The following DNAH11 variants were observed in gnomAD, a reference collection of about 807,000 sequenced individuals.
The protein encoded by DNAH11 is dynein axonemal heavy chain 11.
In DNAH11, 442 loss-of-function variants were observed where a neutral mutation model predicts 526.0. That is an observed-to-expected ratio of 0.84 (90% confidence interval 0.78 to 0.91). The LOEUF is 0.91. Ranked by LOEUF, DNAH11 falls within the 40% of genes least tolerant of loss-of-function variation. The probability of loss-of-function intolerance (pLI) is 0.00; values close to 1 mark genes in which losing one functional copy is unlikely to be tolerated. For synonymous variants in DNAH11, 2,461 were observed against 1,935.9 expected (o/e 1.27, Z -7.12); for missense variants, 6,989 against 5,448.7 (o/e 1.28, Z -8.90).
chr7:21,743,055 A>G (rs1199589273), intron 49 of DNAH11, among the ~76,000 whole-genome samples: 1 of 152,208 alleles, frequency 6.6e-6, no homozygotes, highest in African/African-American at 2.4e-5. Context: ...CGTTGCCCTC[A>G]TGACAGTCAC....
At chr7:21,712,711 G>T (rs547007334) in intron 42 of DNAH11, among the ~76,000 whole-genome samples, 1 of 152,306 alleles carries the variant, frequency 6.6e-6, no homozygotes, top group South Asian at 2.1e-4. Flanking sequence ...TCTTTGCCCA[G>T]TTTTTAATCG....
Position 21,571,948 on chromosome 7 carries a change from A to C in DNAH11, c.1568A>C (p.Tyr523Ser), listed in dbSNP as rs768172984. Residue 523 changes from tyrosine to serine, a missense_variant, in exon 8 of 82, where the codon TAT (tyrosine) becomes TCT (serine). Transcript: ENST00000409508. ...TGTAAACTTTTTAAACAGAGCACTT[A>C]TGACCCATCTGATTGCACTAACATG... ...ELCKLFKQST[Y>S]DPSDCTNMEF... 5 of 1,587,068 alleles carry C rather than the reference A, an allele frequency of 3.2e-6. No homozygotes were observed. Among genetic ancestry groups the C allele is most frequent in the Non-Finnish European group, 4.3e-6 (5 of 1,169,794 alleles).
chr7:21,590,124 C>T (rs1292047219), intron 12 of DNAH11, among the ~76,000 whole-genome samples: 4 of 151,994 alleles, frequency 2.6e-5, no homozygotes. Context: ...AATTTCATTA[C>T]ATGTTATGTA....
chr7:21,810,576 G>A (rs1789472537), intron 63 of DNAH11, among the ~76,000 whole-genome samples: 1 of 152,106 alleles, frequency 6.6e-6, no homozygotes. Context: ...CCTGTGAAGG[G>A]CAACAGGGGA....
At chr7:21,751,207 C>T (rs1786397480) in intron 54 of DNAH11, among the ~76,000 whole-genome samples, 1 of 151,998 alleles carries the variant, frequency 6.6e-6, no homozygotes, top group Non-Finnish European at 1.5e-5. Flanking sequence ...GCCTGTAATC[C>T]CAGCTACTTG....
At position 21,543,379 on chromosome 7, in the gene DNAH11, C is replaced by A; in HGVS notation, c.134C>A (p.Ala45Glu). 1.3e-6 allele frequency: 2 copies of A among 1,551,490 alleles called. No individual in the cohort carries two copies. Among genetic ancestry groups the A allele is most frequent in the East Asian group, 4.9e-5 (2 of 40,920 alleles). The change falls in exon 1 of 82, where the codon GCG (alanine) becomes GAG (glutamate). Residue 45 changes from alanine (A) to glutamate (E), a missense_variant. By Grantham distance (107) the Ala-to-Glu change is moderately radical. Transcript: ENST00000409508. ...LEEEEENEEE[A>E]AARRARSFAQ... ...GAGGAGGAGGAGAACGAGGAGGAGG[C>A]GGCGGCCAGGAGAGCGCGGAGTTTC...
At chr7:21,831,882 G>A (rs1781789636) in intron 65 of DNAH11, among the ~76,000 whole-genome samples, 2 of 152,188 alleles carry the variant, frequency 1.3e-5, no homozygotes, top group Admixed American at 1.3e-4. Context: ...CCTGAGGTCA[G>A]GATTTGAGAC....
At position 21,790,277 on chromosome 7, in the gene DNAH11, A is replaced by T. The variant is rs192663406; in HGVS notation, c.10026+935A>T. On this transcript the variant is annotated intron_variant, in intron 61 of 81. Coordinates refer to ENST00000409508, the MANE Select transcript of DNAH11 (RefSeq NM_001277115.2). ...CTGGCTAACACGGTGAAACCCCGTC[A>T]CTACTAAAAATACAAAAAGAAATTT... Among the ~76,000 whole-genome samples the T allele has an allele frequency of 1.6e-3, 237 of 152,066 alleles. 1 individual carries two copies. The highest frequency in any genetic ancestry group is 2.7e-3 in the Non-Finnish European group (185 of 67,990).
At chr7:21,630,255 AT>A (rs1786542372) in intron 25 of DNAH11, among the ~76,000 whole-genome samples, 1 of 151,668 alleles carries the variant, frequency 6.6e-6, no homozygotes, top group Non-Finnish European at 1.5e-5. Context: ...CAATTTGTAT[AT>A]TTTTATATTG....
chr7:21,871,956 A>T (rs891947110), intron 73 of DNAH11, among the ~76,000 whole-genome samples: 1 of 151,608 alleles, frequency 6.6e-6, no homozygotes, highest in Non-Finnish European at 1.5e-5. Context: ...CCCCGTCTCT[A>T]CTAAAAATAC....
chr7:21,841,616 G>A (rs975188913), intron 65 of DNAH11, among the ~76,000 whole-genome samples: 104 of 152,288 alleles, frequency 6.8e-4, no homozygotes, highest in Admixed American at 2.6e-4. Flanking sequence ...GTGGGGGTGT[G>A]TGAGTGTCCC....
rs367610722 is a variant in DNAH11 at position 21,818,236 on chromosome 7, A to C, written c.10588A>C (p.Thr3530Pro). 3 of 1,611,726 alleles carry C rather than the reference A, an allele frequency of 1.9e-6. No individual in the cohort carries two copies. Among genetic ancestry groups the C allele is most frequent in the Non-Finnish European group, 2.5e-6 (3 of 1,178,914 alleles). Residue 3530 changes from threonine (T) to proline (P), a missense_variant, in exon 65 of 82, where the codon ACT (threonine) becomes CCT (proline). Thr to Pro is a conservative substitution (Grantham distance 38). Transcript: ENST00000409508. ...TTTAAGGTTTTTGAATGCCATTGAA[A>C]CTGCTTTGGCCTTTGGTGATGTCAT... Reference protein sequence around the residue: ...GQKGFLNAIETALAFGDVILI... With the variant: ...GQKGFLNAIEPALAFGDVILI...
intron 59 of DNAH11, 23 bp downstream of exon 59, chr7:21,786,790 T>G: frequency 6.2e-7 from 1 of 1,612,774 alleles, no homozygotes; most frequent in Non-Finnish European, 8.5e-7. Context: ...CCTGGCAAGA[T>G]GAAAATCCTG....
At chr7:21,756,471 G>T (rs1426304517) in intron 54 of DNAH11, among the ~76,000 whole-genome samples, 1 of 152,024 alleles carries the variant, frequency 6.6e-6, no homozygotes, top group Non-Finnish European at 1.5e-5. Context: ...AGTAGAGCAA[G>T]ATCACCTTCC....
At chr7:21,679,346 G>A (rs1258169098) in intron 30 of DNAH11, among the ~76,000 whole-genome samples, 5 of 152,266 alleles carry the variant, frequency 3.3e-5, no homozygotes, top group South Asian at 4.1e-4. Flanking sequence ...TAATAATAAC[G>A]TAGTGTATAC....
At chr7:21,680,753 A>C (rs1181513602) in intron 30 of DNAH11, among the ~76,000 whole-genome samples, 3 of 152,190 alleles carry the variant, frequency 2.0e-5, no homozygotes, top group African/African-American at 7.2e-5. Flanking sequence ...ATAAAGGAGG[A>C]TATTCTTCAT....
intron 18 of DNAH11, among the ~76,000 whole-genome samples, chr7:21,603,686 CA>C (rs1415996147): frequency 6.6e-6 from 1 of 152,132 alleles, no homozygotes; most frequent in African/African-American, 2.4e-5. Flanking sequence ...AAGTTCTAGA[CA>C]GATACATACA....
chr7:21,596,204 C>G (rs1784854614), intron 14 of DNAH11, among the ~76,000 whole-genome samples: 1 of 152,086 alleles, frequency 6.6e-6, no homozygotes, highest in African/African-American at 2.4e-5. Context: ...GAATAGCGTC[C>G]CAAGGCTGCC....
rs1320269540 is a variant in DNAH11, at chr7:21,581,907, G to T, written c.1596G>T (p.Glu532Asp). ...TYDPSDCTNMEFESDYVAFKS... is the reference protein window; with the variant it reads ...TYDPSDCTNMDFESDYVAFKS... The stretch of plus-strand genomic sequence containing the variant: ...ATATTTCACTTTGAATTTTACAGGA[G>T]TTTGAAAGTGATTATGTGGCATTTA... The change falls in exon 9 of 82, where the codon GAG (glutamate) becomes GAT (aspartate). Residue 532 changes from glutamate (E) to aspartate (D), a missense_variant and splice_region_variant. By Grantham distance (45) the Glu-to-Asp change is conservative. Coordinates refer to ENST00000409508, the MANE Select transcript of DNAH11 (RefSeq NM_001277115.2). 6.3e-7 allele frequency: 1 copy of T among 1,592,916 alleles called. No individual in the cohort carries two copies. Among genetic ancestry groups the T allele is most frequent in the Non-Finnish European group, 8.6e-7 (1 of 1,164,726 alleles).
Sources: allele counts gnomAD v4.1 joint callset (sites outside exome capture counted in the v4.1 genomes callset), GRCh38; gene constraint gnomAD v4.1.1; transcripts MANE v1.5; gene names NCBI Gene and HGNC (gene_info 2026-07-23, HGNC 2026-07-21).